CHMP4B: variants seen among roughly 807,000 people sequenced by gnomAD.
The protein encoded by CHMP4B is charged multivesicular body protein 4B.
A neutral mutation model predicts 25.1 loss-of-function variants in CHMP4B; 1 was observed. The observed-to-expected ratio is 0.04, with a 90% CI of 0.01 to 0.19. CHMP4B has a LOEUF of 0.19. Ranked by LOEUF, CHMP4B falls within the 10% of genes least tolerant of loss-of-function variation. The pLI, the probability that CHMP4B is intolerant of heterozygous loss-of-function variation, is 1.00. For missense variants in CHMP4B, 151 were observed against 289.7 expected, an observed-to-expected ratio of 0.52 and a Z score of 3.48; for synonymous variants, 101 against 115.6, an observed-to-expected ratio of 0.87 and a Z score of 0.81.
chr20:33,853,390 G>A (rs1026560831), intron 4 of CHMP4B, 106 bp from the exon 5 acceptor site: 8 of 1,012,656 alleles, frequency 7.9e-6, no homozygotes, highest in Non-Finnish European at 1.2e-5. Context: ...TGGCCACAGG[G>A]CAGGGCTGTT....
At chr20:33,848,910 C>G (rs1979762572) in intron 2 of CHMP4B, among the ~76,000 whole-genome samples, 1 of 152,170 alleles carries the variant, frequency 6.6e-6, no homozygotes, top group East Asian at 1.9e-4. Flanking sequence ...AGAAGGTCCT[C>G]TTGTCCAGAC....
intron 1 of CHMP4B, among the ~76,000 whole-genome samples, chr20:33,845,274 T>A (rs1979656147): frequency 6.6e-6 from 1 of 152,086 alleles, no homozygotes; most frequent in Non-Finnish European, 1.5e-5. Flanking sequence ...GGACTGCCGT[T>A]GCTTGTTCAC....
intron 1 of CHMP4B, among the ~76,000 whole-genome samples, chr20:33,825,585 C>T (rs1049253480): frequency 2.0e-5 from 3 of 152,178 alleles, no homozygotes; most frequent in African/African-American, 7.2e-5. Flanking sequence ...AATAAAAAGC[C>T]AACAGGCTAC....
intron 1 of CHMP4B, among the ~76,000 whole-genome samples, chr20:33,821,782 A>G (rs958687905): frequency 4.1e-5 from 6 of 147,436 alleles, no homozygotes; most frequent in Non-Finnish European, 9.0e-5. Flanking sequence ...GTTAAAAATA[A>G]AAGCCCAGAT....
chr20:33,819,847 T>C (rs772478581), intron 1 of CHMP4B, among the ~76,000 whole-genome samples: 5 of 152,176 alleles, frequency 3.3e-5, no homozygotes, highest in Admixed American at 6.5e-5. Context: ...AAGTGTGGGC[T>C]ATGGAGACAT....
intron 1 of CHMP4B, among the ~76,000 whole-genome samples, chr20:33,812,697 C>T (rs1164935027): frequency 1.2e-4 from 18 of 152,206 alleles, no homozygotes; most frequent in Admixed American, 1.1e-3. Context: ...AGGTAATTCA[C>T]TCAGAAGTCT....
chr20:33,822,065 T>C (rs1003496174), intron 1 of CHMP4B, among the ~76,000 whole-genome samples: 1 of 151,796 alleles, frequency 6.6e-6, no homozygotes, highest in Non-Finnish European at 1.5e-5. Context: ...GCTCAAGCCA[T>C]CCACCCACCT....
At chr20:33,815,249 A>G (rs924025864) in intron 1 of CHMP4B, among the ~76,000 whole-genome samples, 7 of 152,230 alleles carry the variant, frequency 4.6e-5, no homozygotes, top group African/African-American at 1.4e-4. Context: ...AATGCCTGCC[A>G]TATGGTAAGT....
chr20:33,831,608 A>G (rs1044693132), intron 1 of CHMP4B, among the ~76,000 whole-genome samples: 5 of 152,056 alleles, frequency 3.3e-5, no homozygotes, highest in African/African-American at 1.2e-4. Flanking sequence ...TCGTGGCCTC[A>G]AGTGATCCTC....
At chr20:33,824,268 T>A (rs2122788578) in intron 1 of CHMP4B, among the ~76,000 whole-genome samples, 1 of 152,002 alleles carries the variant, frequency 6.6e-6, no homozygotes, top group East Asian at 1.9e-4. Context: ...AGAGGCAGAG[T>A]CAAGGCTAGA....
intron 1 of CHMP4B, among the ~76,000 whole-genome samples, chr20:33,831,467 T>G (rs1979248396): frequency 6.6e-6 from 1 of 152,184 alleles, no homozygotes; most frequent in Non-Finnish European, 1.5e-5. Flanking sequence ...TGACCTCAAG[T>G]GATCCGCCCA....
chr20:33,850,897 GC>G, intron 2 of CHMP4B, 54 bp from the exon 3 acceptor site: 1 of 1,304,934 alleles, frequency 7.7e-7, no homozygotes, highest in East Asian at 2.3e-5. Flanking sequence ...TGCCTTGCAG[GC>G]CCCCTTTACG....
chr20:33,818,895 A>G (rs1359686077), intron 1 of CHMP4B, among the ~76,000 whole-genome samples: 1 of 150,050 alleles, frequency 6.7e-6, no homozygotes, highest in Non-Finnish European at 1.5e-5. Context: ...GCTCCTGTTC[A>G]CCAGTGTTGC....
At chr20:33,817,008 T>C (rs1266323569) in intron 1 of CHMP4B, among the ~76,000 whole-genome samples, 2 of 152,220 alleles carry the variant, frequency 1.3e-5, no homozygotes, top group African/African-American at 4.8e-5. Flanking sequence ...AACATGAGCA[T>C]ATGTGAAGAC....
intron 1 of CHMP4B, among the ~76,000 whole-genome samples, chr20:33,828,134 C>CCT (rs1979143360): frequency 6.6e-6 from 1 of 152,228 alleles, no homozygotes; most frequent in African/African-American, 2.4e-5. Flanking sequence ...AAACAGCCCT[C>CCT]TCCCTTTTAT....
chr20:33,814,898 G>A (rs534791044), intron 1 of CHMP4B, among the ~76,000 whole-genome samples: 11 of 152,286 alleles, frequency 7.2e-5, no homozygotes, highest in East Asian at 5.8e-4. Flanking sequence ...CGATTCTCCC[G>A]TATTAGCCTC....
intron 1 of CHMP4B, 145 bp downstream of exon 1, chr20:33,811,803 C>G: frequency 3.8e-6 from 3 of 790,648 alleles, no homozygotes; most frequent in Non-Finnish European, 6.4e-6. Context: ...CTGGGACCCC[C>G]TCCCCGACTC....
In CHMP4B at chr20:33,811,406, G is replaced by A. The variant is rs1601312514; in HGVS notation, c.-63G>A. The A allele has an allele frequency of 2.3e-5, 31 of 1,345,374 alleles. No homozygotes were observed. In the East Asian group the frequency reaches 8.9e-4, roughly 39 times the overall value. 83.3% of individuals were successfully genotyped at this position (1,345,374 alleles called of 1,614,324 possible). ...TGGGAGCGGGCGCCGGAGCCGACCC[G>A]AGCCGAGCCGAGCCGAGCCGAGCCG... On this transcript the variant is annotated 5_prime_UTR_variant, in exon 1 of 5. Coordinates refer to ENST00000217402, the MANE Select transcript of CHMP4B (RefSeq NM_176812.5).
At chr20:33,818,648 G>A (rs1978847894) in intron 1 of CHMP4B, among the ~76,000 whole-genome samples, 1 of 152,260 alleles carries the variant, frequency 6.6e-6, no homozygotes, top group South Asian at 2.1e-4. Flanking sequence ...TTTGGGGACA[G>A]AAGGGTTGGG....
Sources: gnomAD v4.1 joint callset for allele counts (sites outside exome capture counted in the v4.1 genomes callset) on GRCh38, gnomAD v4.1.1 for gene constraint, MANE v1.5 for transcripts, NCBI Gene and HGNC (gene_info 2026-07-23, HGNC 2026-07-21) for gene names.